MRTFB: variants seen among roughly 807,000 people sequenced by gnomAD.
The protein encoded by MRTFB is myocardin-related transcription factor B.
A neutral mutation model predicts 104.2 loss-of-function variants in MRTFB; 29 were observed. The ratio of observed to expected loss-of-function variants is 0.28; its 90% CI spans 0.21 to 0.38. MRTFB has a LOEUF of 0.38. MRTFB is among the 10% of genes least tolerant of loss of function. MRTFB has a pLI of 1.00. For synonymous variants in MRTFB, 535 were observed against 519.5 expected (o/e 1.03, Z -0.41); for missense variants, 1,270 against 1,341.6 (o/e 0.95, Z 0.83).
At chr16:14,069,274 G>A (rs746201104), upstream of MRTFB, among the ~76,000 whole-genome samples, 1 of 148,446 alleles carries the variant, frequency 6.7e-6, no homozygotes, top group African/African-American at 2.5e-5. Flanking sequence ...CCCAGCCCAG[G>A]TTCTCCAGCT....
At chr16:14,209,288 A>G (rs1380616359) in intron 3 of MRTFB, among the ~76,000 whole-genome samples, 3 of 152,240 alleles carry the variant, frequency 2.0e-5, no homozygotes, top group African/African-American at 7.2e-5. Flanking sequence ...AAGGCACATA[A>G]GTAATTTTTT....
At chr16:14,185,460 G>C (rs2039920486) in intron 3 of MRTFB, among the ~76,000 whole-genome samples, 1 of 152,118 alleles carries the variant, frequency 6.6e-6, no homozygotes, top group Non-Finnish European at 1.5e-5. Flanking sequence ...ATTTTCTTTT[G>C]AAGAGAAAAT....
the MRTFB span, among the ~76,000 whole-genome samples, chr16:14,016,468 C>A: frequency 6.6e-6 from 1 of 151,940 alleles, no homozygotes; most frequent in Non-Finnish European, 1.5e-5. Flanking sequence ...CCTTTCATAC[C>A]TCCCTTAAAG....
At chr16:14,039,967 T>G in the MRTFB span, among the ~76,000 whole-genome samples, 1 of 152,098 alleles carries the variant, frequency 6.6e-6, no homozygotes, top group Non-Finnish European at 1.5e-5. Context: ...AGGCTGGTCT[T>G]GAACTCCCAA....
At chr16:14,098,423 T>C (rs1377861756) in intron 2 of MRTFB, among the ~76,000 whole-genome samples, 2 of 152,220 alleles carry the variant, frequency 1.3e-5, no homozygotes, top group South Asian at 2.1e-4. Flanking sequence ...TGTTTTCTTA[T>C]TATTACTGAG....
chr16:14,042,283 G>A, the MRTFB span, among the ~76,000 whole-genome samples: 3 of 151,984 alleles, frequency 2.0e-5, no homozygotes, highest in Non-Finnish European at 2.9e-5. Context: ...CCGCCACCAC[G>A]CCGGGCTAAG....
At chr16:14,068,755 A>G (rs924519880), upstream of MRTFB, among the ~76,000 whole-genome samples, 1 of 152,178 alleles carries the variant, frequency 6.6e-6, no homozygotes, top group African/African-American at 2.4e-5. Flanking sequence ...GATGGCTGGT[A>G]GAGCATTACT....
chr16:14,102,156 T>TAA (rs1031744137), intron 2 of MRTFB, among the ~76,000 whole-genome samples: 23 of 146,100 alleles, frequency 1.6e-4, no homozygotes, highest in Admixed American at 4.1e-4. Context: ...TGAGTCTTTT[T>TAA]AAAAAAAAAA....
chr16:14,001,510 G>A, the MRTFB span, among the ~76,000 whole-genome samples: 1 of 152,220 alleles, frequency 6.6e-6, no homozygotes, highest in Non-Finnish European at 1.5e-5. Context: ...ATGGCCCGAG[G>A]TGGGTCCAGT....
the MRTFB span, among the ~76,000 whole-genome samples, chr16:14,014,156 A>C: frequency 6.6e-6 from 1 of 152,218 alleles, no homozygotes; most frequent in Non-Finnish European, 1.5e-5. Context: ...TGTTAAATAA[A>C]TCACGGTGTT....
the MRTFB span, among the ~76,000 whole-genome samples, chr16:14,007,733 C>T: frequency 6.0e-4 from 91 of 152,292 alleles, no homozygotes; most frequent in South Asian, 3.1e-3. Flanking sequence ...ACAGTTATTA[C>T]GATCTGTCTT....
At chr16:14,055,913 T>C in the MRTFB span, among the ~76,000 whole-genome samples, 1 of 152,200 alleles carries the variant, frequency 6.6e-6, no homozygotes, top group Non-Finnish European at 1.5e-5. Flanking sequence ...CTGCAGAAAT[T>C]TCTACTGTGG....
chr16:13,996,237 A>C, the MRTFB span, among the ~76,000 whole-genome samples: 1 of 151,602 alleles, frequency 6.6e-6, no homozygotes. Context: ...GTGCCGTTGC[A>C]CTCCAGCCTG....
chr16:14,057,157 A>G, the MRTFB span, among the ~76,000 whole-genome samples: 1 of 152,158 alleles, frequency 6.6e-6, no homozygotes, highest in Non-Finnish European at 1.5e-5. Flanking sequence ...GGGGTGCAAG[A>G]GGGTCGGCCT....
chr16:14,045,153 C>T, the MRTFB span, among the ~76,000 whole-genome samples: 1 of 152,276 alleles, frequency 6.6e-6, no homozygotes, highest in East Asian at 1.9e-4. Flanking sequence ...TTCTATAGAT[C>T]CCTCCGTAGG....
chr16:14,164,590 A>G (rs190523798), intron 3 of MRTFB, among the ~76,000 whole-genome samples: 1 of 152,206 alleles, frequency 6.6e-6, no homozygotes, highest in Non-Finnish European at 1.5e-5. Flanking sequence ...TCCCTTTGAT[A>G]GACTAGTTTC....
chr16:14,122,390 C>G (rs372168644), intron 2 of MRTFB, among the ~76,000 whole-genome samples: 1 of 151,954 alleles, frequency 6.6e-6, no homozygotes, highest in Non-Finnish European at 1.5e-5. Flanking sequence ...ACCCATCAGC[C>G]GGTCACCTAC....
chr16:14,077,454 C>T (rs146553280), intron 1 of MRTFB, among the ~76,000 whole-genome samples: 1 of 150,810 alleles, frequency 6.6e-6, no homozygotes, highest in Non-Finnish European at 1.5e-5. Flanking sequence ...ATTCATATAG[C>T]AGTACTACAT....
At chr16:14,221,115 G>C (rs1337420097) in intron 8 of MRTFB, among the ~76,000 whole-genome samples, 1 of 152,154 alleles carries the variant, frequency 6.6e-6, no homozygotes, top group Non-Finnish European at 1.5e-5. Flanking sequence ...CGTTGTAGGT[G>C]CTTCGTTTTG....
Sources: gnomAD v4.1 joint callset for allele counts (sites outside exome capture counted in the v4.1 genomes callset) on GRCh38, gnomAD v4.1.1 for gene constraint, MANE v1.5 for transcripts, NCBI Gene and HGNC (gene_info 2026-07-23, HGNC 2026-07-21) for gene names.